The following WNT2B variants were observed in gnomAD, a reference collection of about 807,000 sequenced individuals.
WNT2B encodes the protein protein Wnt-2b.
WNT2B carries 19 observed loss-of-function variants against 40.5 expected under a neutral mutation model. The ratio of observed to expected loss-of-function variants is 0.47; its 90% CI spans 0.33 to 0.69. The LOEUF (loss-of-function observed/expected upper bound fraction) is 0.69. WNT2B is among the 30% of genes least tolerant of loss of function. The pLI, the probability that WNT2B is intolerant of heterozygous loss-of-function variation, is 0.02. For synonymous variants in WNT2B, 220 were observed against 211.9 expected, an observed-to-expected ratio of 1.04 and a Z score of -0.33; for missense variants, 467 against 556.4, an observed-to-expected ratio of 0.84 and a Z score of 1.62.
intron 1 of WNT2B, chr1:112,491,092 A>C (rs1381155623): frequency 2.2e-5 from 35 of 1,612,830 alleles, no homozygotes; most frequent in Non-Finnish European, 3.0e-5. Flanking sequence ...GTACATGATA[A>C]TTAAAATGTC....
chr1:112,522,624 A>G lies in WNT2B; in HGVS notation c.*2115A>G. Reference sequence around the variant, plus strand: ...AGCCATAGCTCTGGGCCACGGGGGCAGATTTATTTGGATGATAGGACTAAT... The same window carrying G: ...AGCCATAGCTCTGGGCCACGGGGGCGGATTTATTTGGATGATAGGACTAAT... On this transcript the variant is annotated 3_prime_UTR_variant, in exon 5 of 5. Coordinates refer to ENST00000369684, the MANE Select transcript of WNT2B (RefSeq NM_024494.3). 1 of 152,460 alleles carries G rather than the reference A, an allele frequency of 6.6e-6. No individual in the cohort carries two copies. The highest frequency in any genetic ancestry group is 1.5e-5 in the Non-Finnish European group (1 of 68,146). 9.4% of individuals were successfully genotyped at this position (152,460 alleles called of 1,614,324 possible).
intron 1 of WNT2B, among the ~76,000 whole-genome samples, chr1:112,488,992 G>C (rs1206041026): frequency 6.6e-6 from 1 of 152,152 alleles, no homozygotes; most frequent in Non-Finnish European, 1.5e-5. Context: ...GTAAATTGCA[G>C]TGAAATTAAG....
At chr1:112,481,918 G>A (rs766887245) in intron 1 of WNT2B, among the ~76,000 whole-genome samples, 4 of 151,818 alleles carry the variant, frequency 2.6e-5, no homozygotes, top group Non-Finnish European at 5.9e-5. Context: ...AGGCAGAGGC[G>A]GGCAGATCAC....
chr1:112,480,860 A>C (rs571926986), intron 1 of WNT2B, among the ~76,000 whole-genome samples: 1 of 152,274 alleles, frequency 6.6e-6, no homozygotes, highest in East Asian at 1.9e-4. Flanking sequence ...CTAATTCAAC[A>C]GCACATTATA....
At chr1:112,497,247 G>A (rs1417937799) in intron 1 of WNT2B, among the ~76,000 whole-genome samples, 1 of 152,230 alleles carries the variant, frequency 6.6e-6, no homozygotes, top group Non-Finnish European at 1.5e-5. Context: ...TATTGCCTTC[G>A]TGTGGGGATC....
chr1:112,517,151 A>T lies in WNT2B; in HGVS notation c.712A>T (p.Lys238Ter). Reference protein sequence around the residue: ...AVRRFLKLECKCHGVSGSCTL... With the variant: ...AVRRFLKLEC The stretch of plus-strand genomic sequence containing the variant: ...GCGGCGGTTTCTGAAGCTGGAGTGT[A>T]AGTGCCATGGCGTGAGTGGTTCCTG... Residue 238 changes from lysine to a stop codon, truncating the protein, a stop_gained, in exon 4 of 5, where the codon AAG becomes TAG. Coordinates refer to ENST00000369684, the MANE Select transcript of WNT2B (RefSeq NM_024494.3). LOFTEE classifies it high-confidence loss of function. 6.2e-7 allele frequency: 1 copy of T among 1,612,856 alleles called. No homozygotes were observed. The highest frequency in any genetic ancestry group is 8.5e-7 in the Non-Finnish European group (1 of 1,178,960).
At position 112,526,005 on chromosome 1, in the gene WNT2B, T is replaced by C. The variant is rs1451345052; in HGVS notation, c.*5496T>C. On this transcript the variant is annotated 3_prime_UTR_variant, in exon 5 of 5. Coordinates refer to ENST00000369684, the MANE Select transcript of WNT2B (RefSeq NM_024494.3). ...GATTTGTCCAAGGTCACATGAACAG[T>C]GCGTGGCTCAGCCAGAACTCAAACC... 1.2e-6 allele frequency: 2 copies of C among 1,613,982 alleles called. No individual in the cohort carries two copies. The highest frequency in any genetic ancestry group is 1.7e-6 in the Non-Finnish European group (2 of 1,179,974).
chr1:112,470,406 T>C (rs900830384), intron 1 of WNT2B, among the ~76,000 whole-genome samples: 3 of 152,048 alleles, frequency 2.0e-5, no homozygotes, highest in Admixed American at 2.0e-4. Context: ...CTGGCCAATA[T>C]GGTGAAAGCC....
intron 1 of WNT2B, among the ~76,000 whole-genome samples, chr1:112,511,848 A>G (rs1030510891): frequency 2.6e-5 from 4 of 152,242 alleles, no homozygotes; most frequent in African/African-American, 9.6e-5. Context: ...ATAAGCCCTT[A>G]CTGAGCTTCA....
chr1:112,526,991 C>G lies in WNT2B; in HGVS notation c.*6482C>G, dbSNP rs906512370. On this transcript the variant is annotated 3_prime_UTR_variant, in exon 5 of 5. Coordinates refer to ENST00000369684, the MANE Select transcript of WNT2B (RefSeq NM_024494.3). Reference sequence around the variant, plus strand: ...AGAGAAACCCATGAGATGAGGCAGACAGCAGATTTTCACTTGATCAAACAC... The same window carrying G: ...AGAGAAACCCATGAGATGAGGCAGAGAGCAGATTTTCACTTGATCAAACAC... The G allele has an allele frequency of 6.6e-6, 1 of 152,218 alleles. No homozygotes were observed. Among genetic ancestry groups the G allele is most frequent in the African/African-American group, 2.4e-5 (1 of 41,430 alleles). 9.4% of individuals were successfully genotyped at this position (152,218 alleles called of 1,614,324 possible).
chr1:112,479,933 C>T (rs1651172180), intron 1 of WNT2B, among the ~76,000 whole-genome samples: 1 of 151,884 alleles, frequency 6.6e-6, no homozygotes, highest in African/African-American at 2.4e-5. Context: ...AGGATGGTCT[C>T]AATCTCCTGA....
chr1:112,477,972 G>A (rs1180972374), intron 1 of WNT2B, among the ~76,000 whole-genome samples: 1 of 152,228 alleles, frequency 6.6e-6, no homozygotes, highest in Non-Finnish European at 1.5e-5. Flanking sequence ...TGTAGCTCAT[G>A]CCTGTAACCC....
At chr1:112,498,721 C>T (rs1557915058) in intron 1 of WNT2B, among the ~76,000 whole-genome samples, 1 of 152,192 alleles carries the variant, frequency 6.6e-6, no homozygotes, top group African/African-American at 2.4e-5. Context: ...ATAGTCTTCA[C>T]TGTCCATATT....
At chr1:112,505,829 CAGA>C (rs1652089244), upstream of WNT2B, among the ~76,000 whole-genome samples, 1 of 152,170 alleles carries the variant, frequency 6.6e-6, no homozygotes, top group South Asian at 2.1e-4. Context: ...GACAAAGAAG[CAGA>C]AGGAGCCAAG....
At chr1:112,492,738 C>T (rs1009180359) in intron 1 of WNT2B, among the ~76,000 whole-genome samples, 2 of 152,104 alleles carry the variant, frequency 1.3e-5, no homozygotes, top group South Asian at 2.1e-4. Context: ...AGTTTCAGCC[C>T]GCTGTAGCCT....
At chr1:112,473,517 A>T (rs1438948179) in intron 1 of WNT2B, among the ~76,000 whole-genome samples, 1 of 152,150 alleles carries the variant, frequency 6.6e-6, no homozygotes, top group Non-Finnish European at 1.5e-5. Flanking sequence ...AATATGAAGA[A>T]ATATTAATAA....
In WNT2B at chr1:112,496,967, A is replaced by G. The variant is rs572850483; in HGVS notation, c.-94-17907A>G. On this transcript the variant is annotated intron_variant, in intron 1 of 4. Coordinates refer to the WNT2B transcript ENST00000256640. ...GGAGTAACAGGTCCCAAGTAAGTCT[A>G]AAACCCAAGGCAAACAACGTTAAAT... Among the ~76,000 whole-genome samples the G allele has an allele frequency of 3.9e-5, 6 of 152,346 alleles. No individual in the cohort carries two copies. In the East Asian group the frequency reaches 9.6e-4, roughly 24 times the overall value.
chr1:112,522,217 G>C lies in WNT2B; in HGVS notation c.*1708G>C, dbSNP rs1006759539. On this transcript the variant is annotated 3_prime_UTR_variant, in exon 5 of 5. Transcript: ENST00000369684. ...AGCTAATTTAAACATAGTTTTCAGA[G>C]ATGGAGCTCACTATGTTGCCCAGGC... 3.9e-5 allele frequency: 6 copies of C among 151,972 alleles called. No individual in the cohort carries two copies. The highest frequency in any genetic ancestry group is 1.5e-4 in the African/African-American group (6 of 41,340). The allele number at this position is 151,972 out of a possible 1,614,324, so 9.4% of individuals were successfully genotyped here.
intron 1 of WNT2B, among the ~76,000 whole-genome samples, chr1:112,492,771 A>C (rs187278704): frequency 1.3e-5 from 2 of 152,298 alleles, no homozygotes; most frequent in East Asian, 3.9e-4. Flanking sequence ...AGGGAATATT[A>C]AATTCCATCC....
Sources: allele counts gnomAD v4.1 joint callset (sites outside exome capture counted in the v4.1 genomes callset), GRCh38; gene constraint gnomAD v4.1.1; transcripts MANE v1.5; gene names NCBI Gene and HGNC (gene_info 2026-07-23, HGNC 2026-07-21).